DOCK4: variants seen among roughly 807,000 people sequenced by gnomAD.
DOCK4 encodes the protein dedicator of cytokinesis protein 4.
DOCK4 carries 97 observed loss-of-function variants against 268.1 expected under a neutral mutation model. The observed-to-expected ratio is 0.36, with a 90% CI of 0.31 to 0.43. The LOEUF is 0.43. Ranked by LOEUF, DOCK4 falls within the 20% of genes least tolerant of loss-of-function variation. The probability of loss-of-function intolerance (pLI) is 1.00; values close to 1 mark genes in which losing one functional copy is unlikely to be tolerated. For missense variants in DOCK4, 2,145 were observed against 2,455.7 expected (o/e 0.87, Z 2.67); for synonymous variants, 954 against 887.2 (o/e 1.08, Z -1.34).
At chr7:111,883,487 C>G (rs892185872) in intron 16 of DOCK4, among the ~76,000 whole-genome samples, 1 of 152,132 alleles carries the variant, frequency 6.6e-6, no homozygotes, top group South Asian at 2.1e-4. Context: ...CATCTGTTCA[C>G]AGAAATTCTG....
chr7:111,900,961 A>C (rs1791092039), intron 14 of DOCK4, among the ~76,000 whole-genome samples: 1 of 152,190 alleles, frequency 6.6e-6, no homozygotes, highest in Non-Finnish European at 1.5e-5. Context: ...CTTCCATAAA[A>C]ACACCTGCTA....
intron 1 of DOCK4, among the ~76,000 whole-genome samples, chr7:112,161,692 T>G (rs1022635333): frequency 6.6e-6 from 1 of 152,206 alleles, no homozygotes; most frequent in Non-Finnish European, 1.5e-5. Flanking sequence ...GGAAGGTAGG[T>G]TAAGCTCTCC....
At chr7:112,205,575 T>C (rs1821332818) in intron 1 of DOCK4, among the ~76,000 whole-genome samples, 1 of 152,080 alleles carries the variant, frequency 6.6e-6, no homozygotes, top group Non-Finnish European at 1.5e-5. Flanking sequence ...TCCAGGACCC[T>C]GCCACATTCC....
Position 111,944,804 on chromosome 7 carries a change from T to C in DOCK4, c.844+7A>G, listed in dbSNP as rs750515452. The C allele has an allele frequency of 7.4e-6, 12 of 1,613,480 alleles. No individual in the cohort carries two copies. The East Asian group carries it at 2.5e-4, about 33-fold the overall frequency. On this transcript the variant is annotated splice_region_variant and intron_variant, in intron 10 of 52. Transcript: ENST00000428084. ...GCCCCTACTGCACTGACAAGTGTTA[T>C]ACCTACCGATTCGGATAATGTGCAC...
chr7:111,731,347 T>A (rs1031765214), intron 52 of DOCK4, among the ~76,000 whole-genome samples: 1 of 152,126 alleles, frequency 6.6e-6, no homozygotes, highest in Admixed American at 6.5e-5. Flanking sequence ...CCCTATGTGT[T>A]TGTAGAGGCT....
At chr7:111,784,532 A>G in intron 32 of DOCK4, 1 of 454,100 alleles carries the variant, frequency 2.2e-6, no homozygotes, top group Non-Finnish European at 4.4e-6. Context: ...CTGTGCACTC[A>G]CTCAACAGTT....
At chr7:111,846,762 T>G (rs1804141309) in intron 24 of DOCK4, among the ~76,000 whole-genome samples, 1 of 152,176 alleles carries the variant, frequency 6.6e-6, no homozygotes, top group Admixed American at 6.5e-5. Context: ...TTTTTCTCAC[T>G]CAGTATGCAG....
At chr7:111,740,561 C>T (rs1197200554) in intron 47 of DOCK4, among the ~76,000 whole-genome samples, 4 of 149,970 alleles carry the variant, frequency 2.7e-5, no homozygotes, top group African/African-American at 7.3e-5. Context: ...AGTGAAACCC[C>T]GTCTCTACTA....
At chr7:111,983,578 A>T (rs145413615) in intron 7 of DOCK4, among the ~76,000 whole-genome samples, 1 of 152,294 alleles carries the variant, frequency 6.6e-6, no homozygotes, top group East Asian at 1.9e-4. Context: ...GCTAAACAGA[A>T]GGCAGATTGG....
intron 1 of DOCK4, among the ~76,000 whole-genome samples, chr7:112,010,381 T>C (rs148263829): frequency 6.6e-6 from 1 of 152,338 alleles, no homozygotes; most frequent in Non-Finnish European, 1.5e-5. Flanking sequence ...AGAACTGTTT[T>C]TCTTCTTTAT....
At chr7:111,972,582 G>T (rs2135079485) in intron 8 of DOCK4, among the ~76,000 whole-genome samples, 1 of 152,134 alleles carries the variant, frequency 6.6e-6, no homozygotes, top group Admixed American at 6.5e-5. Flanking sequence ...TTTTGCACAT[G>T]TTGGTCCCTC....
intron 8 of DOCK4, among the ~76,000 whole-genome samples, chr7:111,951,590 T>C (rs893647403): frequency 1.3e-5 from 2 of 151,032 alleles, no homozygotes; most frequent in African/African-American, 4.9e-5. Context: ...GGAGGATCAC[T>C]TGAGCCCAAG....
chr7:111,761,890 G>T (rs144605259), intron 39 of DOCK4, among the ~76,000 whole-genome samples: 28 of 152,226 alleles, frequency 1.8e-4, no homozygotes, highest in Non-Finnish European at 1.9e-4. Flanking sequence ...AATTTCTGAT[G>T]CTGTATTTTA....
intron 1 of DOCK4, among the ~76,000 whole-genome samples, chr7:112,030,751 T>G (rs1803203615): frequency 1.3e-5 from 2 of 152,120 alleles, no homozygotes; most frequent in African/African-American, 4.8e-5. Context: ...TGGAGAGAGC[T>G]CTGATGATAC....
chr7:111,798,182 C>A (rs1401755123), intron 30 of DOCK4, among the ~76,000 whole-genome samples: 2 of 152,190 alleles, frequency 1.3e-5, no homozygotes, highest in Non-Finnish European at 2.9e-5. Flanking sequence ...CCCTGTCCAG[C>A]CTGTGGCAGA....
chr7:112,201,244 G>T (rs1239506803), intron 1 of DOCK4, among the ~76,000 whole-genome samples: 1 of 152,092 alleles, frequency 6.6e-6, no homozygotes, highest in East Asian at 1.9e-4. Context: ...CACCAACATA[G>T]AAGGGGCTTT....
intron 27 of DOCK4, among the ~76,000 whole-genome samples, chr7:111,813,328 A>G (rs1183773932): frequency 6.6e-6 from 1 of 152,100 alleles, no homozygotes; most frequent in African/African-American, 2.4e-5. Context: ...TTGCTAATAT[A>G]GATTATATTT....
chr7:112,081,493 C>T (rs554034170), intron 1 of DOCK4, among the ~76,000 whole-genome samples: 8 of 152,230 alleles, frequency 5.3e-5, no homozygotes, highest in African/African-American at 1.9e-4. Flanking sequence ...TCCCACAGAG[C>T]AGGTCAAGGA....
At chr7:111,834,831 T>C (rs1803111960) in intron 25 of DOCK4, 145 bp from the exon 26 acceptor site, 2 of 511,692 alleles carry the variant, frequency 3.9e-6, no homozygotes, top group Non-Finnish European at 6.5e-6. Context: ...GTCTTCTTAA[T>C]ATAAATTATC....
Sources: allele counts gnomAD v4.1 joint callset (sites outside exome capture counted in the v4.1 genomes callset), GRCh38; gene constraint gnomAD v4.1.1; transcripts MANE v1.5; gene names NCBI Gene and HGNC (gene_info 2026-07-23, HGNC 2026-07-21).